The following LUZP2 variants were observed in gnomAD, a reference collection of about 807,000 sequenced individuals.
The protein encoded by LUZP2 is leucine zipper protein 2.
Under a neutral mutation model 51.6 loss-of-function variants are expected in LUZP2, and 52 were observed. That is an observed-to-expected ratio of 1.01 (90% confidence interval 0.81 to 1.27). LUZP2 has a LOEUF of 1.27. Among genes scored for constraint, LUZP2 ranks in the 50% most tolerant of loss-of-function variants. The pLI, the probability that LUZP2 is intolerant of heterozygous loss-of-function variation, is 0.00. For missense variants in LUZP2, 436 were observed against 395.4 expected (o/e 1.10, Z -0.87); for synonymous variants, 154 against 137.3 (o/e 1.12, Z -0.85).
At chr11:24,926,790 A>G (rs1368365388) in intron 7 of LUZP2, among the ~76,000 whole-genome samples, 1 of 151,472 alleles carries the variant, frequency 6.6e-6, no homozygotes, top group Non-Finnish European at 1.5e-5. Context: ...GTAGATCTAC[A>G]TTTAGTTCCT....
intron 7 of LUZP2, among the ~76,000 whole-genome samples, chr11:24,972,518 C>G (rs1028533080): frequency 1.3e-5 from 2 of 152,052 alleles, no homozygotes; most frequent in Admixed American, 6.6e-5. Flanking sequence ...AATGTGAACT[C>G]CAGTGTTCAT....
At chr11:24,776,900 A>G (rs1848941797) in intron 5 of LUZP2, among the ~76,000 whole-genome samples, 1 of 151,796 alleles carries the variant, frequency 6.6e-6, no homozygotes, top group South Asian at 2.1e-4. Context: ...TTTGTGCCTC[A>G]TGTATCCAGC....
chr11:24,553,031 G>C (rs1168300635), intron 1 of LUZP2, among the ~76,000 whole-genome samples: 2 of 151,286 alleles, frequency 1.3e-5, no homozygotes, highest in East Asian at 1.9e-4. Context: ...CAGACATTAA[G>C]ACATACACAT....
chr11:24,626,634 TCTAA>T (rs1208113819), intron 1 of LUZP2, among the ~76,000 whole-genome samples: 1 of 152,152 alleles, frequency 6.6e-6, no homozygotes, highest in African/African-American at 2.4e-5. Context: ...ATAATCTCCA[TCTAA>T]CTGTTACTGA....
At chr11:25,068,791 C>T (rs773715537) in intron 10 of LUZP2, among the ~76,000 whole-genome samples, 38 of 151,950 alleles carry the variant, frequency 2.5e-4, no homozygotes, top group Non-Finnish European at 5.4e-4. Context: ...AGTTCTTGAA[C>T]CGTACCTACT....
At chr11:24,786,517 A>G (rs925182797) in intron 5 of LUZP2, 39 of 861,368 alleles carry the variant, frequency 4.5e-5, no homozygotes, top group Non-Finnish European at 5.3e-5. Flanking sequence ...AAATATGTGT[A>G]TATTTGTATA....
intron 1 of LUZP2, among the ~76,000 whole-genome samples, chr11:24,713,899 T>C (rs1488095397): frequency 7.1e-6 from 1 of 141,138 alleles, no homozygotes; most frequent in African/African-American, 2.7e-5. Flanking sequence ...TTTCACCATG[T>C]TGGCTAGGCT....
chr11:24,887,231 G>A (rs1852697208), intron 5 of LUZP2, among the ~76,000 whole-genome samples: 1 of 151,780 alleles, frequency 6.6e-6, no homozygotes, highest in African/African-American at 2.4e-5. Flanking sequence ...TCAGATGGAA[G>A]GCACAAATAT....
intron 1 of LUZP2, among the ~76,000 whole-genome samples, chr11:24,537,053 A>G (rs1331566474): frequency 6.6e-6 from 1 of 151,978 alleles, no homozygotes; most frequent in Non-Finnish European, 1.5e-5. Flanking sequence ...TTAATTTTGC[A>G]TTCAGTCTTC....
intron 9 of LUZP2, among the ~76,000 whole-genome samples, chr11:25,023,797 T>C (rs1857409231): frequency 6.6e-6 from 1 of 152,220 alleles, no homozygotes; most frequent in Non-Finnish European, 1.5e-5. Context: ...CTCTACACAC[T>C]GCTTTAAATG....
At chr11:24,538,925 A>C (rs1851269970) in intron 1 of LUZP2, among the ~76,000 whole-genome samples, 2 of 122,210 alleles carry the variant, frequency 1.6e-5, no homozygotes, top group Non-Finnish European at 1.8e-5. Flanking sequence ...ACACATATTA[A>C]AGAAAGAACA....
chr11:25,007,136 G>C (rs1053877330), intron 9 of LUZP2, among the ~76,000 whole-genome samples: 1 of 152,086 alleles, frequency 6.6e-6, no homozygotes, highest in African/African-American at 2.4e-5. Flanking sequence ...CCTTTAGCTA[G>C]ACACAGAGCA....
At chr11:24,898,844 A>G (rs1289585583) in intron 5 of LUZP2, among the ~76,000 whole-genome samples, 2 of 152,114 alleles carry the variant, frequency 1.3e-5, no homozygotes, top group African/African-American at 2.4e-5. Context: ...GTAGGTGGCA[A>G]ATGAAGGCAG....
intron 1 of LUZP2, among the ~76,000 whole-genome samples, chr11:24,631,065 T>C (rs553390915): frequency 2.0e-5 from 3 of 152,172 alleles, no homozygotes; most frequent in African/African-American, 7.2e-5. Flanking sequence ...TTTTATCAAA[T>C]TCATTTATTA....
At chr11:24,797,196 C>T (rs1849571104) in intron 5 of LUZP2, among the ~76,000 whole-genome samples, 1 of 152,152 alleles carries the variant, frequency 6.6e-6, no homozygotes, top group Admixed American at 6.6e-5. Flanking sequence ...GCCCTTATCA[C>T]TATCACATTA....
chr11:24,603,931 T>C (rs1289711716), intron 1 of LUZP2, among the ~76,000 whole-genome samples: 6 of 151,808 alleles, frequency 4.0e-5, no homozygotes, highest in African/African-American at 1.2e-4. Context: ...ATTACTATAT[T>C]ATATAACCTC....
At position 25,018,603 on chromosome 11, in the gene LUZP2, CTTTTTTT is replaced by C. The variant is rs755246752; in HGVS notation, c.766-31418_766-31412del. ...TACTATCATTATTAATTCCTTTTTCCTTTTTTTTTTTTTTTTTTTTTTTAAAGACACT... is the reference window on the plus strand; with the variant it reads ...TACTATCATTATTAATTCCTTTTTCCTTTTTTTTTTTTTTTTAAAGACACT... On this transcript the variant is annotated intron_variant, in intron 9 of 11. Coordinates refer to ENST00000336930, the MANE Select transcript of LUZP2 (RefSeq NM_001009909.4). Among the ~76,000 whole-genome samples the C allele has an allele frequency of 1.3e-4, 14 of 108,830 alleles. No individual in the cohort carries two copies. In the East Asian group the frequency reaches 1.9e-3, roughly 15 times the overall value. 71.4% of individuals were successfully genotyped at this position (108,830 alleles called of 152,430 possible). A position where few individuals can be genotyped will look rare whatever the true frequency, so the allele number is the denominator to read the frequency against.
chr11:24,499,942 T>C (rs939624945), intron 1 of LUZP2, among the ~76,000 whole-genome samples: 14 of 152,198 alleles, frequency 9.2e-5, no homozygotes, highest in Non-Finnish European at 5.9e-5. Flanking sequence ...ACAGGTCTAA[T>C]GGTATCTAGC....
chr11:24,973,518 T>C (rs1490921808), intron 7 of LUZP2, among the ~76,000 whole-genome samples: 2 of 152,050 alleles, frequency 1.3e-5, no homozygotes, highest in Non-Finnish European at 2.9e-5. Context: ...TCTAGTTCTT[T>C]AAGTTGTGTT....
Sources: gnomAD v4.1 joint callset for allele counts (sites outside exome capture counted in the v4.1 genomes callset) on GRCh38, gnomAD v4.1.1 for gene constraint, MANE v1.5 for transcripts, NCBI Gene and HGNC (gene_info 2026-07-23, HGNC 2026-07-21) for gene names.